WRNIP1: variants seen among roughly 807,000 people sequenced by gnomAD.
WRNIP1 encodes ATPase WRNIP1.
A neutral mutation model predicts 56.1 loss-of-function variants in WRNIP1; 41 were observed. That is an observed-to-expected ratio of 0.73 (90% CI 0.57 to 0.95). WRNIP1 has a LOEUF of 0.95. WRNIP1 is among the 40% of genes least tolerant of loss of function. The pLI is 0.00. For missense variants in WRNIP1, 1,170 were observed against 939.4 expected (o/e 1.25, Z -3.21); for synonymous variants, 547 against 398.1 (o/e 1.37, Z -4.45).
intron 4 of WRNIP1, among the ~76,000 whole-genome samples, chr6:2,782,683 C>G (rs1269329433): frequency 6.6e-6 from 1 of 152,224 alleles, no homozygotes; most frequent in Non-Finnish European, 1.5e-5. Context: ...TTCCTGAGAA[C>G]TGTTTAGCTG....
chr6:2,767,827 C>G (rs1251960114), intron 1 of WRNIP1, among the ~76,000 whole-genome samples: 2 of 152,190 alleles, frequency 1.3e-5, no homozygotes, highest in Non-Finnish European at 2.9e-5. Flanking sequence ...GGGCGTTGGT[C>G]ATTTGCAAGC....
rs1448641229 is a variant in WRNIP1 at position 2,770,206 on chromosome 6, T to C, written c.1101T>C (p.Ala367=). The C allele has an allele frequency of 2.5e-6, 4 of 1,614,094 alleles. No homozygotes were observed. Among genetic ancestry groups the C allele is most frequent in the South Asian group, 1.1e-5 (1 of 91,086 alleles). The stretch of plus-strand genomic sequence containing the variant: ...ACCCTTCCTTCCAGGTCAACGCTGC[T>C]CTTCTGAGCCGCTGTCGAGTGATTG... The part of the protein sequence containing the change: ...TENPSFQVNA[A]LLSRCRVIVL... Residue 367 remains alanine, a synonymous_variant, in exon 3 of 7, where the codon GCT becomes GCC. Transcript: ENST00000380773.
intron 4 of WRNIP1, among the ~76,000 whole-genome samples, chr6:2,781,724 T>C (rs1418174869): frequency 6.6e-6 from 1 of 152,232 alleles, no homozygotes; most frequent in Non-Finnish European, 1.5e-5. Context: ...CAGTGTGTAA[T>C]AAAAGCAAAC....
intron 3 of WRNIP1, chr6:2,773,022 C>G (rs915890944): frequency 3.0e-6 from 3 of 985,310 alleles, no homozygotes; most frequent in Non-Finnish European, 3.6e-6. Flanking sequence ...AAGTCCCAGG[C>G]TGTTGAACTG....
rs759178417 is a variant in WRNIP1 at position 2,765,667 on chromosome 6, G to A, written c.45G>A (p.Leu15=). 1 of 1,551,876 alleles carries A rather than the reference G, an allele frequency of 6.4e-7. No individual in the cohort carries two copies. Among genetic ancestry groups the A allele is most frequent in the South Asian group, 1.1e-5 (1 of 87,946 alleles). The part of the protein sequence containing the change: ...GPEDDPFLSQ[L]HQVQCPVCQQ... The stretch of plus-strand genomic sequence containing the variant: ...AAGACGACCCCTTCCTTTCGCAGCT[G>A]CACCAGGTGCAGTGCCCCGTGTGCC... The change falls in exon 1 of 7, where the codon CTG becomes CTA. Residue 15 remains leucine, a synonymous_variant. Transcript: ENST00000380773.
At position 2,765,919 on chromosome 6, in the gene WRNIP1, C is replaced by T. The variant is rs1270733095; in HGVS notation, c.297C>T (p.Gly99=). 44 of 1,453,362 alleles carry T rather than the reference C, an allele frequency of 3.0e-5. No homozygotes were observed. The highest frequency in any genetic ancestry group is 3.6e-5 in the Non-Finnish European group (40 of 1,104,154). The allele number at this position is 1,453,362 out of a possible 1,614,324, so 90.0% of individuals were successfully genotyped here. A position where few individuals can be genotyped will look rare whatever the true frequency, so the allele number is the denominator to read the frequency against. ...GCAGCGAGGGCGAGGGTGAGGAGGG[C>T]GACGACGGCGGCGAGACCGAGAGCC... ...AESSEGEGEE[G]DDGGETESRE... The change falls in exon 1 of 7, where the codon GGC becomes GGT. Residue 99 remains glycine, a synonymous_variant. Transcript: ENST00000380773.
rs756544262 is a variant in WRNIP1 at position 2,766,373 on chromosome 6, C to T, written c.751C>T (p.Leu251=). The stretch of plus-strand genomic sequence containing the variant: ...GAGCAAGGCCGTGGGCCAGGATACC[C>T]TGCTGCGCTCGCTCCTGGAGACCAA... The part of the protein sequence containing the change: ...GQSKAVGQDT[L]LRSLLETNEI... Residue 251 remains leucine (L), a synonymous_variant, in exon 1 of 7, where the codon CTG becomes TTG. Transcript: ENST00000380773. 54 of 1,609,112 alleles carry T rather than the reference C, an allele frequency of 3.4e-5. No individual in the cohort carries two copies. Among genetic ancestry groups the T allele is most frequent in the East Asian group, 9.0e-5 (4 of 44,682 alleles).
At chr6:2,774,434 A>G (rs1053963427) in intron 3 of WRNIP1, 1 of 239,862 alleles carries the variant, frequency 4.2e-6, no homozygotes, top group Non-Finnish European at 6.7e-6. Context: ...GCTTATGACT[A>G]TGTCACTCCA....
At chr6:2,784,434 A>C in intron 6 of WRNIP1, 31 bp downstream of exon 6, 1 of 1,604,666 alleles carries the variant, frequency 6.2e-7, no homozygotes, top group Non-Finnish European at 8.5e-7. Context: ...CTTGCAAATC[A>C]CTTCTTTTCT....
intron 3 of WRNIP1, chr6:2,773,254 G>A (rs1191874959): frequency 1.9e-5 from 19 of 985,352 alleles, no homozygotes; most frequent in Non-Finnish European, 2.2e-5. Context: ...CTAGGCATTG[G>A]CTGAGGGTTG....
Position 2,766,024 on chromosome 6 carries a change from CG to C in WRNIP1, c.405del (p.Arg136GlyfsTer146). On this transcript the variant is annotated frameshift_variant, in exon 1 of 7. Coordinates refer to ENST00000380773, the MANE Select transcript of WRNIP1 (RefSeq NM_020135.3). LOFTEE classifies it high-confidence loss of function. ...TCCCGGTGGCCCGCTCCAGCAGCCCCGGGAGGAAGGGGTCGGGGAAGAGGCC... is the reference window on the plus strand; with the variant it reads ...TCCCGGTGGCCCGCTCCAGCAGCCCCGGAGGAAGGGGTCGGGGAAGAGGCC... ...DFPVARSSSP[G>X]RKGSGKRPAA... The C allele has an allele frequency of 7.6e-7, 1 of 1,323,668 alleles. No homozygotes were observed. Among genetic ancestry groups the C allele is most frequent in the Non-Finnish European group, 9.6e-7 (1 of 1,038,570 alleles). The allele number at this position is 1,323,668 out of a possible 1,614,324, so 82.0% of individuals were successfully genotyped here. A position where few individuals can be genotyped will look rare whatever the true frequency, so the allele number is the denominator to read the frequency against.
chr6:2,774,736 CAGAA>C (rs1199404822), intron 3 of WRNIP1, among the ~76,000 whole-genome samples: 2 of 152,182 alleles, frequency 1.3e-5, no homozygotes, highest in Non-Finnish European at 2.9e-5. Flanking sequence ...TGGGATTAAA[CAGAA>C]AGACGTCGTC....
chr6:2,784,387 G>T lies in WRNIP1; in HGVS notation c.1706G>T (p.Gly569Val). Residue 569 changes from glycine (G) to valine (V), a missense_variant, in exon 6 of 7, where the codon GGC becomes GTC. Gly to Val is a moderately radical substitution (Grantham distance 109). Transcript: ENST00000380773. Reference sequence around the variant, plus strand: ...GCCTACCAAGGCTGTCATTTTATAGGCATGCCTGAATGTGAGGTAAAGTAA... The same window carrying T: ...GCCTACCAAGGCTGTCATTTTATAGTCATGCCTGAATGTGAGGTAAAGTAA... ...VAAYQGCHFI[G>V]MPECEVLLAQ... 6.2e-7 allele frequency: 1 copy of T among 1,614,060 alleles called. No homozygotes were observed. Among genetic ancestry groups the T allele is most frequent in the Non-Finnish European group, 8.5e-7 (1 of 1,179,932 alleles).
intron 3 of WRNIP1, chr6:2,773,282 C>T: frequency 1.0e-6 from 1 of 985,360 alleles, no homozygotes; most frequent in Non-Finnish European, 1.2e-6. Flanking sequence ...TGTTCCTGTG[C>T]CTTCAGAGGG....
chr6:2,781,577 C>G (rs1765562464), intron 4 of WRNIP1, among the ~76,000 whole-genome samples: 1 of 152,162 alleles, frequency 6.6e-6, no homozygotes, highest in Non-Finnish European at 1.5e-5. Flanking sequence ...TATATGCCAC[C>G]TAGTTCATAG....
At chr6:2,784,929 G>A in intron 6 of WRNIP1, 78 bp from the exon 7 acceptor site, 3 of 1,546,334 alleles carry the variant, frequency 1.9e-6, no homozygotes, top group East Asian at 2.3e-5. Context: ...ATTACCTAGA[G>A]CTGTGTATCA....
At chr6:2,774,699 T>G (rs981020452) in intron 3 of WRNIP1, among the ~76,000 whole-genome samples, 1 of 152,208 alleles carries the variant, frequency 6.6e-6, no homozygotes, top group Non-Finnish European at 1.5e-5. Flanking sequence ...CCAAGTATAA[T>G]GTAATTTGGA....
intron 3 of WRNIP1, among the ~76,000 whole-genome samples, chr6:2,776,569 A>AG (rs920860408): frequency 6.6e-6 from 1 of 152,246 alleles, no homozygotes; most frequent in African/African-American, 2.4e-5. Flanking sequence ...TAAAAGCCAA[A>AG]GGAAGACCTT....
chr6:2,768,684 T>C lies in WRNIP1; in HGVS notation c.823-7T>C, dbSNP rs374115285. ...TTTTCAAACTCCATGTATGTCATCT[T>C]TTCTAGACCACTCTGGCTCACATCA... On this transcript the variant is annotated splice_region_variant and splice_polypyrimidine_tract_variant and intron_variant, in intron 1 of 6. Coordinates refer to ENST00000380773, the MANE Select transcript of WRNIP1 (RefSeq NM_020135.3). 6 of 1,598,104 alleles carry C rather than the reference T, an allele frequency of 3.8e-6. No individual in the cohort carries two copies. Among genetic ancestry groups the C allele is most frequent in the Non-Finnish European group, 5.1e-6 (6 of 1,170,974 alleles).
Sources: allele counts gnomAD v4.1 joint callset (sites outside exome capture counted in the v4.1 genomes callset), GRCh38; gene constraint gnomAD v4.1.1; transcripts MANE v1.5; gene names NCBI Gene and HGNC (gene_info 2026-07-23, HGNC 2026-07-21).